Variants in RHEB observed in about 807,000 individuals in gnomAD.
RHEB encodes the protein GTP-binding protein Rheb.
RHEB carries 2 observed loss-of-function variants against 28.8 expected under a neutral mutation model. The ratio of observed to expected loss-of-function variants is 0.07; its 90% confidence interval spans 0.03 to 0.22. RHEB has a LOEUF of 0.22. Ranked by LOEUF, RHEB falls within the 10% of genes least tolerant of loss-of-function variation. RHEB has a pLI of 1.00. For synonymous variants in RHEB, 69 were observed against 77.3 expected, an observed-to-expected ratio of 0.89 and a Z score of 0.56; for missense variants, 76 against 219.9, an observed-to-expected ratio of 0.35 and a Z score of 4.14.
chr7:151,512,948 C>A (rs1015269838), intron 1 of RHEB, among the ~76,000 whole-genome samples: 1 of 152,198 alleles, frequency 6.6e-6, no homozygotes, highest in African/African-American at 2.4e-5. Flanking sequence ...TAGCTCGGCA[C>A]CCCTTGGCAT....
At chr7:151,473,035 G>A (rs1802190991) in intron 4 of RHEB, among the ~76,000 whole-genome samples, 1 of 152,228 alleles carries the variant, frequency 6.6e-6, no homozygotes, top group Non-Finnish European at 1.5e-5. Context: ...TGTGTGGCAG[G>A]CAGCTTGGAG....
intron 1 of RHEB, among the ~76,000 whole-genome samples, chr7:151,499,022 A>T (rs190308723): frequency 3.0e-4 from 46 of 152,348 alleles, no homozygotes; most frequent in Non-Finnish European, 5.9e-4. Flanking sequence ...ATGAATAGAC[A>T]CAAACCCCTT....
At chr7:151,489,784 T>C (rs1015525191) in intron 2 of RHEB, among the ~76,000 whole-genome samples, 11 of 152,256 alleles carry the variant, frequency 7.2e-5, no homozygotes, top group African/African-American at 2.7e-4. Flanking sequence ...TTATTCTTCT[T>C]TGGACTTTTA....
intron 1 of RHEB, among the ~76,000 whole-genome samples, chr7:151,509,333 C>T (rs1054757371): frequency 2.6e-5 from 4 of 152,176 alleles, no homozygotes; most frequent in South Asian, 2.1e-4. Context: ...TGTGGGTGGT[C>T]GCTAGGGCCT....
rs527987014 is a variant in RHEB, at chr7:151,485,145, G to A, written c.125-341C>T. ...GTGAAATATACTACGTAAAGTCTGA[G>A]GTCTAGAATAAACCAAAACCACAAA... is the stretch of plus-strand genomic sequence containing the variant. On this transcript the variant is annotated intron_variant, in intron 2 of 7. Coordinates refer to ENST00000262187, the MANE Select transcript of RHEB (RefSeq NM_005614.4). Among the ~76,000 whole-genome samples, 11 of 152,254 alleles carry A rather than the reference G, an allele frequency of 7.2e-5. No homozygotes were observed. In the South Asian group the frequency reaches 2.1e-3, roughly 29 times the overall value.
intron 1 of RHEB, among the ~76,000 whole-genome samples, chr7:151,493,842 A>C (rs1295673987): frequency 6.6e-6 from 1 of 152,246 alleles, no homozygotes; most frequent in Non-Finnish European, 1.5e-5. Context: ...TAACAAAAAT[A>C]GCAAGAAGAA....
At chr7:151,485,832 C>G (rs1802463852) in intron 2 of RHEB, among the ~76,000 whole-genome samples, 1 of 152,160 alleles carries the variant, frequency 6.6e-6, no homozygotes, top group South Asian at 2.1e-4. Flanking sequence ...ATATTAGCGT[C>G]ACACTTTTCT....
chr7:151,502,000 C>T, intron 1 of RHEB: 1 of 529,704 alleles, frequency 1.9e-6, no homozygotes. Flanking sequence ...CACTTTGAGG[C>T]CGAGGCGGGC....
chr7:151,495,787 C>CA lies in RHEB; in HGVS notation c.53-4774dup, dbSNP rs973088269. On this transcript the variant is annotated intron_variant, in intron 1 of 7. Coordinates refer to ENST00000262187, the MANE Select transcript of RHEB (RefSeq NM_005614.4). ...ACAACGTGATAAAACCCTATCTCTA[C>CA]AAAAAAAATATAAAAATTAGCTGAG... 4.5e-4 allele frequency among the ~76,000 whole-genome samples: 69 copies of CA among 151,972 alleles called. No homozygotes were observed. In the South Asian group the frequency reaches 5.6e-3, roughly 12 times the overall value.
intron 4 of RHEB, among the ~76,000 whole-genome samples, 167 bp downstream of exon 4, chr7:151,477,166 G>A (rs1426069327): frequency 1.3e-5 from 2 of 152,050 alleles, no homozygotes; most frequent in Non-Finnish European, 2.9e-5. Flanking sequence ...AGAACATCTA[G>A]TGGGCCATGT....
At chr7:151,479,586 G>C (rs1489332842) in intron 3 of RHEB, among the ~76,000 whole-genome samples, 1 of 151,790 alleles carries the variant, frequency 6.6e-6, no homozygotes, top group Non-Finnish European at 1.5e-5. Flanking sequence ...AGGAGGCTGA[G>C]GCAGGAGAAT....
intron 4 of RHEB, among the ~76,000 whole-genome samples, chr7:151,474,052 C>G (rs1361610468): frequency 6.6e-6 from 1 of 152,184 alleles, no homozygotes; most frequent in Non-Finnish European, 1.5e-5. Context: ...AGTGGGTGAA[C>G]TCATATTCAA....
At chr7:151,514,045 G>A (rs992634998) in intron 1 of RHEB, among the ~76,000 whole-genome samples, 1 of 152,164 alleles carries the variant, frequency 6.6e-6, no homozygotes, top group African/African-American at 2.4e-5. Context: ...GGTACTGGCA[G>A]GACAGACATA....
intron 1 of RHEB, chr7:151,503,250 T>C: frequency 3.8e-6 from 3 of 784,480 alleles, no homozygotes; most frequent in Non-Finnish European, 4.7e-6. Context: ...GACAGGAACA[T>C]GAGCTTATCG....
At chr7:151,479,499 A>G (rs563362740) in intron 3 of RHEB, among the ~76,000 whole-genome samples, 26 of 152,108 alleles carry the variant, frequency 1.7e-4, no homozygotes, top group South Asian at 8.4e-4. Context: ...TGGCTAACAC[A>G]GTGAAACCCC....
intron 1 of RHEB, among the ~76,000 whole-genome samples, chr7:151,501,390 T>C (rs1802769449): frequency 6.6e-6 from 1 of 152,184 alleles, no homozygotes; most frequent in South Asian, 2.1e-4. Flanking sequence ...AAATTAAAAA[T>C]TACAATGAGA....
At chr7:151,493,490 C>T (rs1802621343) in intron 1 of RHEB, among the ~76,000 whole-genome samples, 1 of 152,230 alleles carries the variant, frequency 6.6e-6, no homozygotes, top group Non-Finnish European at 1.5e-5. Flanking sequence ...GAACACTCCA[C>T]TGAAGCCAGC....
At chr7:151,515,839 C>A (rs909869720) in intron 1 of RHEB, among the ~76,000 whole-genome samples, 1 of 152,172 alleles carries the variant, frequency 6.6e-6, no homozygotes, top group Non-Finnish European at 1.5e-5. Context: ...TCTTCCAAAC[C>A]ACAAAGCTGT....
chr7:151,503,828 CT>C (rs1802819603), intron 1 of RHEB, among the ~76,000 whole-genome samples: 1 of 151,822 alleles, frequency 6.6e-6, no homozygotes, highest in East Asian at 1.9e-4. Context: ...TGCTGTAAAC[CT>C]TCAAAAGTTA....
Sources: allele counts gnomAD v4.1 joint callset (sites outside exome capture counted in the v4.1 genomes callset), GRCh38; gene constraint gnomAD v4.1.1; transcripts MANE v1.5; gene names NCBI Gene and HGNC (gene_info 2026-07-23, HGNC 2026-07-21).